The following AATK variants were observed in gnomAD, a reference collection of about 807,000 sequenced individuals.
AATK encodes the protein serine/threonine-protein kinase LMTK1.
Under a neutral mutation model 114.3 loss-of-function variants are expected in AATK, and 91 were observed. That is an observed-to-expected ratio of 0.80 (90% confidence interval 0.67 to 0.95). The LOEUF (loss-of-function observed/expected upper bound fraction) is 0.95, where lower values mean the gene tolerates loss of function less well. AATK is among the 40% of genes least tolerant of loss of function. The pLI is 0.00. For synonymous variants in AATK, 1,075 were observed against 916.5 expected, an observed-to-expected ratio of 1.17 and a Z score of -3.12; for missense variants, 2,176 against 1,965.2, an observed-to-expected ratio of 1.11 and a Z score of -2.03.
chr17:81,153,621 T>G (rs1598212675), intron 1 of AATK, among the ~76,000 whole-genome samples: 2 of 152,148 alleles, frequency 1.3e-5, no homozygotes, highest in South Asian at 2.1e-4. Flanking sequence ...TGTGATGGTG[T>G]TGTTGCTCCG....
At chr17:81,118,525 C>G in intron 13 of AATK, 83 bp from the exon 14 acceptor site, 1 of 1,457,092 alleles carries the variant, frequency 6.9e-7, no homozygotes, top group Non-Finnish European at 9.4e-7. Flanking sequence ...GGCCTCCATC[C>G]CTGGCCCACA....
At chr17:81,119,269 A>AGCGGG in intron 13 of AATK, 111 bp downstream of exon 13, 1 of 1,069,306 alleles carries the variant, frequency 9.4e-7, no homozygotes, top group Non-Finnish European at 1.2e-6. Flanking sequence ...AGCGGAGCGG[A>AGCGGG]GCGGAGCCGG....
chr17:81,132,616 C>G, intron 2 of AATK: 1 of 263,042 alleles, frequency 3.8e-6, no homozygotes, highest in Non-Finnish European at 8.0e-6. Context: ...GACACAGATG[C>G]TGTCTCTCCC....
intron 1 of AATK, among the ~76,000 whole-genome samples, chr17:81,143,268 C>T (rs866614261): frequency 2.0e-5 from 3 of 152,140 alleles, no homozygotes; most frequent in African/African-American, 4.8e-5. Context: ...TCCCAGGCAG[C>T]CTGTGCGGGA....
chr17:81,119,116 C>G (rs1336017520), intron 13 of AATK, among the ~76,000 whole-genome samples: 1 of 148,210 alleles, frequency 6.7e-6, no homozygotes, highest in African/African-American at 2.5e-5. Flanking sequence ...CAGAGGAGAG[C>G]CGAGTGCAGG....
chr17:81,149,546 G>A (rs895529788), intron 1 of AATK, among the ~76,000 whole-genome samples: 3 of 151,724 alleles, frequency 2.0e-5, no homozygotes, highest in South Asian at 2.1e-4. Flanking sequence ...CCCTGCTCAC[G>A]CCTCCCCGGG....
chr17:81,121,648 G>A lies in AATK; in HGVS notation c.2288C>T (p.Pro763Leu), dbSNP rs750589133. 18 of 1,498,852 alleles carry A rather than the reference G, an allele frequency of 1.2e-5. No homozygotes were observed. Among genetic ancestry groups the A allele is most frequent in the Admixed American group, 2.3e-5 (1 of 43,314 alleles). The allele number at this position is 1,498,852 out of a possible 1,614,324, so 92.8% of individuals were successfully genotyped here. A position where few individuals can be genotyped will look rare whatever the true frequency, so the allele number is the denominator to read the frequency against. Residue 763 changes from proline (P) to leucine (L), a missense_variant, in exon 11 of 14, where the codon CCC becomes CTC. Pro to Leu is a moderately conservative substitution (Grantham distance 98). This residue lies in a region of AATK where 1,701 missense variants were observed against 1,394.7 expected (regional missense o/e 1.22). Coordinates refer to ENST00000326724, the MANE Select transcript of AATK (RefSeq NM_001080395.3). ...ACTACTGGCTGTCTCTGTCCAGGAG[G>A]GTGTAACCAGGCAGGGAGCAGGTGC... Reference protein sequence around the residue: ...GLAPAPCLVTPSWTETASSGG... With the variant: ...GLAPAPCLVTLSWTETASSGG...
At chr17:81,131,995 T>A (rs1420641198) in intron 2 of AATK, 3 of 1,313,178 alleles carry the variant, frequency 2.3e-6, no homozygotes, top group Non-Finnish European at 3.0e-6. Flanking sequence ...CCTGGCCCCG[T>A]GCAGCCTAGG....
chr17:81,118,268 G>T lies in AATK; in HGVS notation c.*134C>A, dbSNP rs1018999287. ...CCCACGGGCTTCTCCAGGACACCGC[G>T]TGGGGCAGAGGCACCTGAATCTGCT... On this transcript the variant is annotated 3_prime_UTR_variant, in exon 14 of 14. Transcript: ENST00000326724. The T allele has an allele frequency of 2.1e-5, 18 of 877,252 alleles. No homozygotes were observed. In the South Asian group the frequency reaches 2.9e-4, roughly 14 times the overall value. 54.3% of individuals were successfully genotyped at this position (877,252 alleles called of 1,614,324 possible). A position where few individuals can be genotyped will look rare whatever the true frequency, so the allele number is the denominator to read the frequency against.
chr17:81,138,271 GCACGTGCACACCCACCCACA>G (rs2061053127), intron 1 of AATK, among the ~76,000 whole-genome samples: 2 of 130,188 alleles, frequency 1.5e-5, no homozygotes, highest in Non-Finnish European at 1.6e-5. Context: ...ATACCCACAT[GCACGTGCACACCCACCCACA>G]CATGTGCACA....
At chr17:81,123,402 C>T (rs535291037) in intron 9 of AATK, 59 bp from the exon 10 acceptor site, 9 of 1,305,218 alleles carry the variant, frequency 6.9e-6, no homozygotes, top group Non-Finnish European at 8.8e-6. Flanking sequence ...AAGGACCGCG[C>T]AGGATCCCCG....
At chr17:81,128,732 G>A in intron 3 of AATK, 183 bp from the exon 4 acceptor site, 1 of 1,412,662 alleles carries the variant, frequency 7.1e-7, no homozygotes, top group Non-Finnish European at 9.2e-7. Flanking sequence ...AGGGGCCGCT[G>A]CTTCCCAGAA....
In AATK at chr17:81,124,785, C is replaced by T; in HGVS notation, c.904G>A (p.Val302Met). Residue 302 changes from valine to methionine, a missense_variant, in exon 9 of 14, where the codon GTG becomes ATG. By Grantham distance (21) the Val-to-Met change is conservative (BLOSUM62 1). Coordinates refer to ENST00000326724, the MANE Select transcript of AATK (RefSeq NM_001080395.3). ...AGCAGGTTGCTATGCACCTCGTCCA[C>T]CAGCTCTGGCGCGATCCAGCGCAGA... ...VPLRWIAPEL[V>M]DEVHSNLLVV... is the part of the protein sequence containing the mutation. 1 of 1,612,870 alleles carries T rather than the reference C, an allele frequency of 6.2e-7. No homozygotes were observed. Among genetic ancestry groups the T allele is most frequent in the Non-Finnish European group, 8.5e-7 (1 of 1,179,800 alleles).
rs569874976 is a variant in AATK, at chr17:81,141,177, G to A, written c.56-6676C>T. ...CCATGAAAGTGACTTTCGGCCGGGC[G>A]CGGTGGCTCACACCTGTAATCCCAC... On this transcript the variant is annotated intron_variant, in intron 1 of 13. Coordinates refer to ENST00000326724, the MANE Select transcript of AATK (RefSeq NM_001080395.3). Among the ~76,000 whole-genome samples the A allele has an allele frequency of 3.3e-4, 51 of 152,278 alleles. 1 individual carries two copies. The highest frequency in any genetic ancestry group is 3.1e-3 in the Admixed American group (48 of 15,304).
intron 1 of AATK, among the ~76,000 whole-genome samples, chr17:81,157,125 C>G (rs2061376056): frequency 6.6e-6 from 1 of 152,196 alleles, no homozygotes; most frequent in Admixed American, 6.5e-5. Context: ...CAGGTGAGGA[C>G]AGGGCAGGGG....
intron 1 of AATK, 71 bp downstream of exon 1, chr17:81,165,867 T>A (rs1748679326): frequency 6.5e-7 from 1 of 1,535,466 alleles, no homozygotes; most frequent in African/African-American, 1.4e-5. Context: ...CCGGGAGCCG[T>A]GGGGCCCAGG....
At chr17:81,125,370 A>C (rs1343462606) in intron 7 of AATK, 1 of 615,396 alleles carries the variant, frequency 1.6e-6, no homozygotes, top group Non-Finnish European at 3.2e-6. Flanking sequence ...TAGCTCTACT[A>C]CACTATCACT....
At chr17:81,138,364 C>T (rs1237723325) in intron 1 of AATK, among the ~76,000 whole-genome samples, 7 of 149,774 alleles carry the variant, frequency 4.7e-5, no homozygotes, top group East Asian at 4.0e-4. Context: ...CGCACACACA[C>T]TCCCATGGAC....
At chr17:81,165,757 G>A in intron 1 of AATK, 181 bp downstream of exon 1, 2 of 1,522,434 alleles carry the variant, frequency 1.3e-6, no homozygotes, top group Non-Finnish European at 8.8e-7. Context: ...GGTTTGTGCT[G>A]GGGCCCAGGG....
Sources: gnomAD v4.1 joint callset for allele counts (sites outside exome capture counted in the v4.1 genomes callset) on GRCh38, gnomAD v4.1.1 for gene constraint, gnomAD v4.1.1 regional missense constraint, MANE v1.5 for transcripts, NCBI Gene and HGNC (gene_info 2026-07-23, HGNC 2026-07-21) for gene names.